The following SPON1 variants were observed in gnomAD, a reference collection of about 807,000 sequenced individuals.
SPON1 encodes spondin-1.
A neutral mutation model predicts 111.7 loss-of-function variants in SPON1; 52 were observed. The ratio of observed to expected loss-of-function variants is 0.47; its 90% confidence interval spans 0.37 to 0.59. SPON1 has a LOEUF of 0.59. Ranked by LOEUF, SPON1 falls within the 20% of genes least tolerant of loss-of-function variation. SPON1 has a pLI of 0.00. For synonymous variants in SPON1, 410 were observed against 395.8 expected, an observed-to-expected ratio of 1.04 and a Z score of -0.43; for missense variants, 957 against 1,068.5, an observed-to-expected ratio of 0.90 and a Z score of 1.46.
chr11:13,967,766 C>T (rs1848030023), intron 1 of SPON1, among the ~76,000 whole-genome samples: 1 of 152,148 alleles, frequency 6.6e-6, no homozygotes, highest in African/African-American at 2.4e-5. Context: ...TACCTCTCTT[C>T]CCTTTTTTGC....
intron 5 of SPON1, among the ~76,000 whole-genome samples, chr11:14,086,438 T>G (rs1365456134): frequency 6.6e-6 from 1 of 152,204 alleles, no homozygotes; most frequent in Non-Finnish European, 1.5e-5. Flanking sequence ...GTTTATGGGA[T>G]GGATTACATT....
chr11:13,979,228 C>G (rs564634541), intron 1 of SPON1, among the ~76,000 whole-genome samples: 1 of 152,208 alleles, frequency 6.6e-6, no homozygotes, highest in African/African-American at 2.4e-5. Flanking sequence ...ATGCATGGCT[C>G]TAATATCTGC....
intron 2 of SPON1, among the ~76,000 whole-genome samples, chr11:14,019,921 C>G (rs1848468976): frequency 6.6e-6 from 1 of 152,094 alleles, no homozygotes; most frequent in Admixed American, 6.5e-5. Flanking sequence ...GAGGAAAATC[C>G]CAGAAGCCTC....
chr11:14,131,147 C>A (rs1032033224), intron 5 of SPON1, among the ~76,000 whole-genome samples: 10 of 152,184 alleles, frequency 6.6e-5, no homozygotes, highest in African/African-American at 2.4e-4. Context: ...CATCTAATTT[C>A]TTTGTTTCTA....
intron 5 of SPON1, among the ~76,000 whole-genome samples, chr11:14,089,331 T>C (rs782810272): frequency 2.0e-5 from 3 of 152,140 alleles, no homozygotes; most frequent in Non-Finnish European, 4.4e-5. Flanking sequence ...GGGGTCCTTT[T>C]TGTTGATGTT....
intron 2 of SPON1, among the ~76,000 whole-genome samples, chr11:14,017,058 C>A (rs907837486): frequency 1.3e-5 from 2 of 152,140 alleles, no homozygotes; most frequent in Admixed American, 6.6e-5. Context: ...TGGTGTCAGG[C>A]CCATTTTCAT....
intron 6 of SPON1, among the ~76,000 whole-genome samples, chr11:14,193,519 G>T (rs1258782758): frequency 6.6e-6 from 1 of 152,134 alleles, no homozygotes; most frequent in Non-Finnish European, 1.5e-5. Context: ...AGGTAACAGG[G>T]GTGGTCATTG....
At chr11:13,983,011 G>T in intron 2 of SPON1, 58 bp downstream of exon 2, 1 of 1,234,282 alleles carries the variant, frequency 8.1e-7, no homozygotes, top group Non-Finnish European at 1.2e-6. Flanking sequence ...GTAGAGGCTG[G>T]AGAGGTACAA....
At chr11:14,161,484 A>G (rs1054992709) in intron 6 of SPON1, among the ~76,000 whole-genome samples, 5 of 150,394 alleles carry the variant, frequency 3.3e-5, no homozygotes, top group African/African-American at 1.2e-4. Context: ...ACACCCAGAT[A>G]ATTTTTATAT....
chr11:14,199,724 A>G (rs1013421520), intron 6 of SPON1, among the ~76,000 whole-genome samples: 2 of 152,154 alleles, frequency 1.3e-5, no homozygotes, highest in Non-Finnish European at 2.9e-5. Flanking sequence ...GCATGCTCAT[A>G]TGTATGTGCA....
At chr11:14,186,650 C>A (rs1848289072) in intron 6 of SPON1, among the ~76,000 whole-genome samples, 1 of 152,204 alleles carries the variant, frequency 6.6e-6, no homozygotes, top group Non-Finnish European at 1.5e-5. Context: ...CTGTACCCAC[C>A]CTTTGCCATC....
At chr11:14,154,261 G>A (rs1290045411) in intron 6 of SPON1, among the ~76,000 whole-genome samples, 3 of 152,222 alleles carry the variant, frequency 2.0e-5, no homozygotes, top group South Asian at 4.1e-4. Flanking sequence ...TCATAGTAGA[G>A]GTTCTCCATG....
At chr11:14,217,516 T>C (rs1157466016) in intron 6 of SPON1, among the ~76,000 whole-genome samples, 1 of 152,158 alleles carries the variant, frequency 6.6e-6, no homozygotes, top group Non-Finnish European at 1.5e-5. Context: ...TGCAGAAATA[T>C]TTGAAATGGA....
intron 6 of SPON1, among the ~76,000 whole-genome samples, chr11:14,205,024 G>A (rs572248142): frequency 4.2e-4 from 64 of 152,246 alleles, no homozygotes; most frequent in African/African-American, 4.3e-4. Flanking sequence ...CCTCTTAGAC[G>A]TTCCCCAGCA....
chr11:14,127,688 C>T (rs1229318422), intron 5 of SPON1, among the ~76,000 whole-genome samples: 1 of 152,202 alleles, frequency 6.6e-6, no homozygotes, highest in African/African-American at 2.4e-5. Context: ...AATGAGATAA[C>T]ATAGGTCGAG....
chr11:14,096,614 C>T (rs1235531199), intron 5 of SPON1, among the ~76,000 whole-genome samples: 1 of 152,202 alleles, frequency 6.6e-6, no homozygotes, highest in South Asian at 2.1e-4. Flanking sequence ...CCAGCAGCCA[C>T]AGCTTCTGCC....
At chr11:14,148,135 CAA>C (rs1414932007) in intron 6 of SPON1, among the ~76,000 whole-genome samples, 1 of 151,958 alleles carries the variant, frequency 6.6e-6, no homozygotes, top group African/African-American at 2.4e-5. Flanking sequence ...CATTGTAACA[CAA>C]GAGTGGAATA....
chr11:14,234,600 G>T (rs1848841693), intron 6 of SPON1, among the ~76,000 whole-genome samples: 1 of 152,238 alleles, frequency 6.6e-6, no homozygotes, highest in East Asian at 1.9e-4. Context: ...CACACAGAAG[G>T]TCATAGGGTG....
At chr11:14,032,385 T>G (rs1219601290) in intron 2 of SPON1, among the ~76,000 whole-genome samples, 3 of 152,192 alleles carry the variant, frequency 2.0e-5, no homozygotes, top group Non-Finnish European at 4.4e-5. Flanking sequence ...AAGAAGCTTA[T>G]TTGTTTCCCC....
Sources: gnomAD v4.1 joint callset for allele counts (sites outside exome capture counted in the v4.1 genomes callset) on GRCh38, gnomAD v4.1.1 for gene constraint, MANE v1.5 for transcripts, NCBI Gene and HGNC (gene_info 2026-07-23, HGNC 2026-07-21) for gene names.